The following CD177 variants were observed in gnomAD, a reference collection of about 807,000 sequenced individuals.
CD177 encodes CD177 antigen.
Under a neutral mutation model 38.1 loss-of-function variants are expected in CD177, and 41 were observed. The ratio of observed to expected loss-of-function variants is 1.07; its 90% CI spans 0.84 to 1.39. CD177 has a LOEUF of 1.39. CD177 is among the 40% of genes most tolerant of loss of function. The pLI is 0.00. For synonymous variants in CD177, 236 were observed against 216.7 expected, an observed-to-expected ratio of 1.09 and a Z score of -0.78; for missense variants, 619 against 523.8, an observed-to-expected ratio of 1.18 and a Z score of -1.77.
rs769218263 is a variant in CD177, at chr19:43,360,346, A to G, written c.701A>G (p.Asn234Ser). The G allele has an allele frequency of 6.2e-7, 1 of 1,612,020 alleles. No homozygotes were observed. Among genetic ancestry groups the G allele is most frequent in the Non-Finnish European group, 8.5e-7 (1 of 1,179,120 alleles). The stretch of plus-strand genomic sequence containing the variant: ...GAACCCACTGATTGGACCACATCGA[A>G]TACCGAGATGTGCGAGGTGGGGCAG... ...AQEPTDWTTS[N>S]TEMCEVGQVC... The change falls in exon 6 of 9, where the codon AAT becomes AGT. Residue 234 changes from asparagine (N) to serine (S), a missense_variant. Coordinates refer to ENST00000618265, the MANE Select transcript of CD177 (RefSeq NM_020406.4).
chr19:43,355,832 G>A, intron 4 of CD177, 49 bp downstream of exon 4: 2 of 1,611,238 alleles, frequency 1.2e-6, no homozygotes, highest in Non-Finnish European at 1.7e-6. Flanking sequence ...TGGAAGGTCT[G>A]GGGACTGAGA....
intron 3 of CD177, 102 bp downstream of exon 3, chr19:43,354,494 C>G (rs1969894631): frequency 8.0e-7 from 1 of 1,255,854 alleles, no homozygotes; most frequent in Non-Finnish European, 1.1e-6. Flanking sequence ...CGCTCGCTAT[C>G]CCGACCCTCG....
chr19:43,362,401 G>T lies in CD177; in HGVS notation c.*81G>T. On this transcript the variant is annotated 3_prime_UTR_variant, in exon 9 of 9. Transcript: ENST00000618265. ...CTGACCTCATAACCTAATGGCCTTG[G>T]ACACCAGATTCTTTCCCATTCTGTC... 1.6e-6 allele frequency: 1 copy of T among 623,442 alleles called. No homozygotes were observed. 38.6% of individuals were successfully genotyped at this position (623,442 alleles called of 1,614,324 possible).
rs140095154 is a variant in CD177 at position 43,360,179 on chromosome 19, T to C, written c.620-86T>C. On this transcript the variant is annotated intron_variant, in intron 5 of 8. Coordinates refer to ENST00000618265, the MANE Select transcript of CD177 (RefSeq NM_020406.4). ...GGTCACCTGGAGTGTGACTCAAGAG[T>C]GTGATCACCTTCCCTAGCCCAGGAC... is the stretch of plus-strand genomic sequence containing the variant. 2.1e-3 allele frequency: 3,128 copies of C among 1,476,050 alleles called. 64 individuals are homozygous for C. In the African/African-American group the frequency reaches 0.037, roughly 17 times the overall value. The allele number at this position is 1,476,050 out of a possible 1,614,324, so 91.4% of individuals were successfully genotyped here.
Position 43,354,196 on chromosome 19 carries a change from T to C in CD177, c.194-11T>C. ...ACCTCCATCCTCGCTTGCCTCCCTC[T>C]TTCGGTCCAGGACCCCAAGTGAGCC... On this transcript the variant is annotated splice_polypyrimidine_tract_variant and intron_variant, in intron 2 of 8. Transcript: ENST00000618265. 6.2e-7 allele frequency: 1 copy of C among 1,609,682 alleles called. No homozygotes were observed. Among genetic ancestry groups the C allele is most frequent in the South Asian group, 1.1e-5 (1 of 90,498 alleles).
rs371980619 is a variant in CD177 at position 43,354,353 on chromosome 19, G to A, written c.340G>A (p.Val114Ile). 3 of 1,613,892 alleles carry A rather than the reference G, an allele frequency of 1.9e-6. No homozygotes were observed. Among genetic ancestry groups the A allele is most frequent in the Non-Finnish European group, 2.5e-6 (3 of 1,179,850 alleles). ...CRQEDFCNNL[V>I]NSLPLWAPQP... ...CCAGGAGGACTTCTGCAACAACCTC[G>A]TTAACTCCCTCCCGCTTTGGGCCCC... The change falls in exon 3 of 9, where the codon GTT (valine) becomes ATT (isoleucine). Residue 114 changes from valine (V) to isoleucine (I), a missense_variant. By Grantham distance (29) the Val-to-Ile change is conservative. Coordinates refer to ENST00000618265, the MANE Select transcript of CD177 (RefSeq NM_020406.4).
chr19:43,353,938 C>T lies in CD177; in HGVS notation c.138C>T (p.Asn46=). 6.2e-7 allele frequency: 1 copy of T among 1,613,910 alleles called. No individual in the cohort carries two copies. Among genetic ancestry groups the T allele is most frequent in the Non-Finnish European group, 8.5e-7 (1 of 1,179,850 alleles). The change falls in exon 2 of 9, where the codon AAC becomes AAT. Residue 46 remains asparagine (N), a synonymous_variant. Transcript: ENST00000618265. ...SDLPRQWTPK[N]TSCDSGLGCQ... is the part of the protein sequence containing the mutation. ...TGCCCCGGCAATGGACCCCTAAGAA[C>T]ACCAGCTGCGACAGCGGCTTGGGGT...
In CD177 at chr19:43,354,322, G is replaced by A; in HGVS notation, c.309G>A (p.Val103=). The A allele has an allele frequency of 6.2e-7, 1 of 1,613,914 alleles. No homozygotes were observed. Among genetic ancestry groups the A allele is most frequent in the Non-Finnish European group, 8.5e-7 (1 of 1,179,870 alleles). ...PGLSLISYTF[V]CRQEDFCNNL... ...TCTCCCTGATCTCCTACACCTTCGTGTGCCGCCAGGAGGACTTCTGCAACA... is the reference window on the plus strand; with the variant it reads ...TCTCCCTGATCTCCTACACCTTCGTATGCCGCCAGGAGGACTTCTGCAACA... Residue 103 remains valine, a synonymous_variant, in exon 3 of 9, where the codon GTG becomes GTA. Transcript: ENST00000618265.
At position 43,354,341 on chromosome 19, in the gene CD177, T is replaced by G. The variant is rs763264024; in HGVS notation, c.328T>G (p.Cys110Gly). 2 of 1,613,928 alleles carry G rather than the reference T, an allele frequency of 1.2e-6. No individual in the cohort carries two copies. The highest frequency in any genetic ancestry group is 2.2e-5 in the South Asian group (2 of 91,080). ...YTFVCRQEDF[C>G]NNLVNSLPLW... Reference sequence around the variant, plus strand: ...CTTCGTGTGCCGCCAGGAGGACTTCTGCAACAACCTCGTTAACTCCCTCCC... The same window carrying G: ...CTTCGTGTGCCGCCAGGAGGACTTCGGCAACAACCTCGTTAACTCCCTCCC... The change falls in exon 3 of 9, where the codon TGC (cysteine) becomes GGC (glycine). Residue 110 changes from cysteine (C) to glycine (G), a missense_variant. Physicochemically the swap from Cys to Gly is radical, Grantham distance 159 (BLOSUM62 -3). Transcript: ENST00000618265.
chr19:43,355,189 C>A (rs1380463257), intron 3 of CD177, among the ~76,000 whole-genome samples: 2 of 142,672 alleles, frequency 1.4e-5, no homozygotes, highest in Non-Finnish European at 3.0e-5. Context: ...TCTCGGCTCA[C>A]TGCAACCTCC....
Position 43,362,561 on chromosome 19 carries a change from C to A in CD177, c.*241C>A, listed in dbSNP as rs928851499. 19 of 396,610 alleles carry A rather than the reference C, an allele frequency of 4.8e-5. No homozygotes were observed. The highest frequency in any genetic ancestry group is 6.7e-5 in the Non-Finnish European group (15 of 222,342). 24.6% of individuals were successfully genotyped at this position (396,610 alleles called of 1,614,324 possible). ...GAGTGGCTGCATGTATCTGATAATA[C>A]AGACCCTGTCCTTTCTCCCAGTGCT... On this transcript the variant is annotated 3_prime_UTR_variant, in exon 9 of 9. Coordinates refer to ENST00000618265, the MANE Select transcript of CD177 (RefSeq NM_020406.4).
At chr19:43,354,022 C>A in intron 2 of CD177, 29 bp downstream of exon 2, 1 of 1,604,982 alleles carries the variant, frequency 6.2e-7, no homozygotes, top group Middle Eastern at 1.9e-4. Flanking sequence ...GCAGAGACCC[C>A]GCCCTGTCCC....
At chr19:43,355,965 ACT>A in intron 4 of CD177, 25 bp from the exon 5 acceptor site, 1 of 673,500 alleles carries the variant, frequency 1.5e-6, no homozygotes, top group South Asian at 1.7e-5. Context: ...AGCATCACTG[ACT>A]CTCCCTCGCT....
chr19:43,361,834 T>C (rs1244269314), intron 8 of CD177, among the ~76,000 whole-genome samples: 5 of 125,970 alleles, frequency 4.0e-5, no homozygotes, highest in African/African-American at 1.5e-4. Context: ...GAGGAGGGGC[T>C]GGGGGCCGGG....
At chr19:43,360,201 G>C in intron 5 of CD177, 64 bp from the exon 6 acceptor site, 1 of 1,571,822 alleles carries the variant, frequency 6.4e-7, no homozygotes, top group Non-Finnish European at 8.7e-7. Context: ...CCCTAGCCCA[G>C]GACGTGGAGG....
In CD177 at chr19:43,360,456, T is replaced by G. The variant is rs1394035129; in HGVS notation, c.760+51T>G. On this transcript the variant is annotated intron_variant, in intron 6 of 8. Coordinates refer to ENST00000618265, the MANE Select transcript of CD177 (RefSeq NM_020406.4). Reference sequence around the variant, plus strand: ...ACACCTGTCCCAAGTCCCTGGCAGCTCCCTCCACCCCACTGGATTCTTTCC... The same window carrying G: ...ACACCTGTCCCAAGTCCCTGGCAGCGCCCTCCACCCCACTGGATTCTTTCC... 2.6e-6 allele frequency: 4 copies of G among 1,520,910 alleles called. No individual in the cohort carries two copies. The East Asian group carries it at 9.9e-5, about 37-fold the overall frequency. The allele number at this position is 1,520,910 out of a possible 1,614,324, so 94.2% of individuals were successfully genotyped here. A position where few individuals can be genotyped will look rare whatever the true frequency, so the allele number is the denominator to read the frequency against.
intron 5 of CD177, among the ~76,000 whole-genome samples, chr19:43,360,054 G>A (rs1344195826): frequency 6.6e-6 from 1 of 151,908 alleles, no homozygotes; most frequent in Non-Finnish European, 1.5e-5. Context: ...GCTGTGAGAG[G>A]ACGTCCCTGC....
rs1453946279 is a variant in CD177, at chr19:43,363,051, C to T, written c.*731C>T. 1 of 152,216 alleles carries T rather than the reference C, an allele frequency of 6.6e-6. No individual in the cohort carries two copies. The highest frequency in any genetic ancestry group is 6.5e-5 in the Admixed American group (1 of 15,274). 9.4% of individuals were successfully genotyped at this position (152,216 alleles called of 1,614,324 possible). On this transcript the variant is annotated 3_prime_UTR_variant, in exon 9 of 9. Transcript: ENST00000618265. ...CGACTGCTCCTAGGCTACAAGCCTG[C>T]AGTGCATGTTATGGTGTGAATACTG... is the stretch of plus-strand genomic sequence containing the variant.
chr19:43,360,207 G>C, intron 5 of CD177, 58 bp from the exon 6 acceptor site: 1 of 1,587,338 alleles, frequency 6.3e-7, no homozygotes, highest in Non-Finnish European at 8.6e-7. Flanking sequence ...CCCAGGACGT[G>C]GAGGGACAGA....
Sources: allele counts gnomAD v4.1 joint callset (sites outside exome capture counted in the v4.1 genomes callset), GRCh38; gene constraint gnomAD v4.1.1; transcripts MANE v1.5; gene names NCBI Gene and HGNC (gene_info 2026-07-23, HGNC 2026-07-21).